The following GTF2IRD1 variants were observed in gnomAD, a reference collection of about 807,000 sequenced individuals.
GTF2IRD1 encodes GTF2I repeat domain containing 1.
A neutral mutation model predicts 113.2 loss-of-function variants in GTF2IRD1; 26 were observed. The ratio of observed to expected loss-of-function variants is 0.23; its 90% CI spans 0.17 to 0.32. The LOEUF (loss-of-function observed/expected upper bound fraction) is 0.32. Among genes scored for constraint, GTF2IRD1 ranks in the 10% least tolerant of loss-of-function variants. The pLI, the probability that GTF2IRD1 is intolerant of heterozygous loss-of-function variation, is 1.00. For missense variants in GTF2IRD1, 864 were observed against 1,280.8 expected, an observed-to-expected ratio of 0.67 and a Z score of 4.97; for synonymous variants, 484 against 529.1, an observed-to-expected ratio of 0.91 and a Z score of 1.17.
At chr7:74,481,733 T>C (rs1041914225) in intron 1 of GTF2IRD1, among the ~76,000 whole-genome samples, 11 of 152,210 alleles carry the variant, frequency 7.2e-5, no homozygotes, top group Non-Finnish European at 2.9e-5. Context: ...TCTGTGGATG[T>C]ACCAAGTGAA....
chr7:74,495,396 C>T (rs941617209), intron 1 of GTF2IRD1, among the ~76,000 whole-genome samples: 13 of 152,246 alleles, frequency 8.5e-5, no homozygotes, highest in African/African-American at 2.9e-4. Flanking sequence ...CACACCCCAT[C>T]GGGCTCCCTT....
intron 2 of GTF2IRD1, among the ~76,000 whole-genome samples, chr7:74,510,908 G>C (rs1389314621): frequency 6.6e-6 from 1 of 152,086 alleles, no homozygotes; most frequent in Non-Finnish European, 1.5e-5. Context: ...AATTAGCCAG[G>C]CATGGTGATG....
intron 22 of GTF2IRD1, among the ~76,000 whole-genome samples, chr7:74,572,930 A>G (rs1320024332): frequency 6.6e-6 from 1 of 152,106 alleles, no homozygotes; most frequent in African/African-American, 2.4e-5. Flanking sequence ...TGCCGGGCCC[A>G]GAGTTGGCCC....
At chr7:74,580,239 G>A (rs1364223513) in intron 22 of GTF2IRD1, among the ~76,000 whole-genome samples, 9 of 152,174 alleles carry the variant, frequency 5.9e-5, no homozygotes, top group African/African-American at 1.7e-4. Flanking sequence ...AACTCTGCCC[G>A]GGCCTGGCAG....
intron 14 of GTF2IRD1, among the ~76,000 whole-genome samples, chr7:74,541,314 G>A (rs1554351663): frequency 6.6e-6 from 1 of 151,354 alleles, no homozygotes; most frequent in East Asian, 2.0e-4. Context: ...AACATAGCAA[G>A]ACTCCATCTC....
Position 74,518,381 on chromosome 7 carries a change from C to G in GTF2IRD1, c.605+59C>G, listed in dbSNP as rs782338889. ...GGCTGGGCCAGGGCCGGGTCAGGGCCGGGGGCTGGAGGCCACTTAGCCAGA... is the reference window on the plus strand; with the variant it reads ...GGCTGGGCCAGGGCCGGGTCAGGGCGGGGGGCTGGAGGCCACTTAGCCAGA... On this transcript the variant is annotated intron_variant, in intron 5 of 26. Coordinates refer to ENST00000424337, the MANE Select transcript of GTF2IRD1 (RefSeq NM_005685.4). The G allele has an allele frequency of 8.5e-6, 12 of 1,413,002 alleles. 1 individual carries two copies. The South Asian group carries it at 1.7e-4, about 20-fold the overall frequency. 87.5% of individuals were successfully genotyped at this position (1,413,002 alleles called of 1,614,324 possible).
intron 2 of GTF2IRD1, among the ~76,000 whole-genome samples, chr7:74,509,706 C>G (rs1271139762): frequency 2.6e-5 from 4 of 151,806 alleles, no homozygotes; most frequent in Non-Finnish European, 4.4e-5. Context: ...CGGAGTTTCG[C>G]TCTGTCGCCA....
At chr7:74,571,877 A>G (rs1800712590) in intron 22 of GTF2IRD1, among the ~76,000 whole-genome samples, 1 of 151,786 alleles carries the variant, frequency 6.6e-6, no homozygotes, top group Non-Finnish European at 1.5e-5. Context: ...AAAAAATTAC[A>G]TGCCACCGAG....
At chr7:74,481,633 CCT>C (rs1794747192) in intron 1 of GTF2IRD1, among the ~76,000 whole-genome samples, 1 of 152,172 alleles carries the variant, frequency 6.6e-6, no homozygotes. Context: ...TGTGTATGCC[CCT>C]GAGGTCATCC....
intron 22 of GTF2IRD1, among the ~76,000 whole-genome samples, chr7:74,570,256 G>A (rs782723923): frequency 4.0e-5 from 6 of 151,798 alleles, no homozygotes; most frequent in Non-Finnish European, 7.4e-5. Context: ...CCAGCTACTC[G>A]GGAGCTTGAG....
intron 23 of GTF2IRD1, 113 bp downstream of exon 23, chr7:74,590,041 C>A: frequency 4.5e-6 from 3 of 663,108 alleles, no homozygotes. Flanking sequence ...TGCCTGCTCC[C>A]TGGTGACATG....
At chr7:74,530,837 C>G (rs1207318308) in intron 9 of GTF2IRD1, among the ~76,000 whole-genome samples, 1 of 152,156 alleles carries the variant, frequency 6.6e-6, no homozygotes, top group Non-Finnish European at 1.5e-5. Context: ...TACTTAACCA[C>G]TCTGTGCCTC....
chr7:74,550,106 G>T (rs1443161032), intron 17 of GTF2IRD1, among the ~76,000 whole-genome samples: 1 of 151,776 alleles, frequency 6.6e-6, no homozygotes, highest in African/African-American at 2.4e-5. Flanking sequence ...GCAAAGAGGA[G>T]AATCACTTGA....
intron 22 of GTF2IRD1, chr7:74,572,477 A>T (rs1554362907): frequency 2.0e-6 from 1 of 498,452 alleles, no homozygotes; most frequent in East Asian, 1.5e-4. Context: ...CTTGTCTCTG[A>T]TTTTAGATAA....
At chr7:74,560,473 T>A (rs1799879666) in intron 22 of GTF2IRD1, among the ~76,000 whole-genome samples, 1 of 146,572 alleles carries the variant, frequency 6.8e-6, no homozygotes, top group Non-Finnish European at 1.5e-5. Context: ...AATATATACA[T>A]AATAAAAAAT....
At chr7:74,544,451 G>A (rs193137640) in intron 14 of GTF2IRD1, among the ~76,000 whole-genome samples, 102 of 152,332 alleles carry the variant, frequency 6.7e-4, no homozygotes, top group African/African-American at 2.4e-3. Context: ...CTCCCAAAGT[G>A]CTGGGATTAC....
At chr7:74,508,325 A>ACTGCAGCTAGGGCCACGATGC in intron 2 of GTF2IRD1, 122 bp downstream of exon 2, 1 of 1,058,976 alleles carries the variant, frequency 9.4e-7, no homozygotes, top group Non-Finnish European at 1.4e-6. Flanking sequence ...AGTTTATCTG[A>ACTGCAGCTAGGGCCACGATGC]CTGCAGCTAG....
In GTF2IRD1 at chr7:74,519,433, C is replaced by A; in HGVS notation, c.630C>A (p.Asp210Glu). The A allele has an allele frequency of 6.5e-7, 1 of 1,540,042 alleles. No individual in the cohort carries two copies. The highest frequency in any genetic ancestry group is 8.7e-7 in the Non-Finnish European group (1 of 1,144,432). Reference protein sequence around the residue: ...LKRPLEDGGRDSKALVELNGV... With the variant: ...LKRPLEDGGRESKALVELNGV... The stretch of plus-strand genomic sequence containing the variant: ...GGCCACTTGAGGATGGCGGGCGGGA[C>A]TCGAAGGCCCTGGTGGAGCTGAACG... The change falls in exon 6 of 27, where the codon GAC (aspartate) becomes GAA (glutamate). Residue 210 changes from aspartate (D) to glutamate (E), a missense_variant. Transcript: ENST00000424337.
At chr7:74,521,167 G>T in intron 6 of GTF2IRD1, 41 bp from the exon 7 acceptor site, 1 of 1,208,008 alleles carries the variant, frequency 8.3e-7, no homozygotes, top group Non-Finnish European at 1.2e-6. Flanking sequence ...GAACCCTCTT[G>T]GGTCCCACCT....
Sources: gnomAD v4.1 joint callset for allele counts (sites outside exome capture counted in the v4.1 genomes callset) on GRCh38, gnomAD v4.1.1 for gene constraint, MANE v1.5 for transcripts, NCBI Gene and HGNC (gene_info 2026-07-23, HGNC 2026-07-21) for gene names.